CDH13: variants seen among roughly 807,000 people sequenced by gnomAD.
CDH13 encodes cadherin-13.
CDH13 carries 24 observed loss-of-function variants against 63.8 expected under a neutral mutation model. That is an observed-to-expected ratio of 0.38 (90% confidence interval 0.27 to 0.53). CDH13 has a LOEUF of 0.53. Ranked by LOEUF, CDH13 falls within the 20% of genes least tolerant of loss-of-function variation. The pLI is 0.85. For synonymous variants in CDH13, 503 were observed against 355.3 expected, an observed-to-expected ratio of 1.42 and a Z score of -4.67; for missense variants, 1,049 against 903.1, an observed-to-expected ratio of 1.16 and a Z score of -2.07.
At chr16:82,918,486 A>G (rs2042059680) in intron 2 of CDH13, among the ~76,000 whole-genome samples, 1 of 150,638 alleles carries the variant, frequency 6.6e-6, no homozygotes, top group Admixed American at 6.6e-5. Context: ...TCTCTGGGTC[A>G]AAAGGTATGT....
At chr16:83,687,945 C>G (rs1598481213) in intron 10 of CDH13, among the ~76,000 whole-genome samples, 1 of 152,220 alleles carries the variant, frequency 6.6e-6, no homozygotes, top group African/African-American at 2.4e-5. Flanking sequence ...CTTTGGGGCT[C>G]TGTCTTTTTT....
intron 2 of CDH13, among the ~76,000 whole-genome samples, chr16:82,977,261 G>A (rs1023642810): frequency 6.6e-6 from 1 of 152,120 alleles, no homozygotes; most frequent in Admixed American, 6.5e-5. Flanking sequence ...ACTGGGATGA[G>A]TAAGGCAGCC....
chr16:83,660,362 G>T (rs1462460034), intron 8 of CDH13, among the ~76,000 whole-genome samples: 1 of 152,154 alleles, frequency 6.6e-6, no homozygotes, highest in East Asian at 1.9e-4. Context: ...AGATTCTCAT[G>T]AGGAATACAC....
At chr16:82,877,920 CAT>C (rs1182944725) in intron 2 of CDH13, among the ~76,000 whole-genome samples, 5 of 120,442 alleles carry the variant, frequency 4.2e-5, no homozygotes, top group Non-Finnish European at 8.3e-5. Context: ...CATACATACA[CAT>C]AGACACACAC....
intron 2 of CDH13, among the ~76,000 whole-genome samples, chr16:82,965,566 C>G (rs1475846247): frequency 6.6e-6 from 1 of 152,196 alleles, no homozygotes. Context: ...CAGTCTCACT[C>G]TGCCACCCAA....
At position 83,267,482 on chromosome 16, in the gene CDH13, C is replaced by T. The variant is rs115760819; in HGVS notation, c.636+49985C>T. On this transcript the variant is annotated intron_variant, in intron 5 of 13. Transcript: ENST00000567109. ...ATTTAAATGCCCTCTCCAAAACTCA[C>T]GTTGAAATTTAATTGCCACTGTGAT... is the stretch of plus-strand genomic sequence containing the variant. Among the ~76,000 whole-genome samples the T allele has an allele frequency of 8.4e-3, 1,282 of 152,212 alleles. 25 individuals are homozygous for T. The highest frequency in any genetic ancestry group is 0.029 in the African/African-American group (1,184 of 41,536).
chr16:83,570,974 A>G (rs888229244), intron 7 of CDH13, among the ~76,000 whole-genome samples: 1 of 79,952 alleles, frequency 1.3e-5, no homozygotes, highest in African/African-American at 3.6e-5. Flanking sequence ...TATATATAAA[A>G]ACCTTCTGGC....
chr16:83,799,820 C>T lies in CDH13; in HGVS notation c.*4790C>T, dbSNP rs1904306353. ...TTCCTATTGCTAATAGATTAGCCCA[C>T]TATTGAAAAAATTCTGCAGTTGTGA... On this transcript the variant is annotated 3_prime_UTR_variant, in exon 14 of 14. Transcript: ENST00000567109. 1 of 152,078 alleles carries T rather than the reference C, an allele frequency of 6.6e-6. No individual in the cohort carries two copies. The highest frequency in any genetic ancestry group is 1.5e-5 in the Non-Finnish European group (1 of 68,022). 9.4% of individuals were successfully genotyped at this position (152,078 alleles called of 1,614,324 possible). A position where few individuals can be genotyped will look rare whatever the true frequency, so the allele number is the denominator to read the frequency against.
chr16:83,353,515 A>G (rs1050592043), intron 6 of CDH13, among the ~76,000 whole-genome samples: 4 of 152,392 alleles, frequency 2.6e-5, no homozygotes, highest in African/African-American at 7.2e-5. Context: ...TTATTCTGGT[A>G]GAAGAGTATC....
At chr16:82,980,860 G>T (rs1310924782) in intron 2 of CDH13, among the ~76,000 whole-genome samples, 2 of 152,172 alleles carry the variant, frequency 1.3e-5, no homozygotes, top group African/African-American at 2.4e-5. Flanking sequence ...AGGAAACAAT[G>T]ATTTATTAAA....
chr16:83,243,242 C>T (rs970691820), intron 5 of CDH13, among the ~76,000 whole-genome samples: 4 of 152,096 alleles, frequency 2.6e-5, no homozygotes, highest in South Asian at 2.1e-4. Flanking sequence ...AACATACCTG[C>T]GACTGGGTAA....
At chr16:82,920,545 C>G (rs1365160752) in intron 2 of CDH13, among the ~76,000 whole-genome samples, 2 of 152,208 alleles carry the variant, frequency 1.3e-5, no homozygotes, top group African/African-American at 4.8e-5. Flanking sequence ...TGTAAACAGA[C>G]TGAGAGTCTG....
intron 2 of CDH13, among the ~76,000 whole-genome samples, chr16:82,996,974 G>T (rs975755789): frequency 6.6e-6 from 1 of 151,198 alleles, no homozygotes; most frequent in African/African-American, 2.4e-5. Context: ...TGGTGGTAAT[G>T]ATGATGGTGA....
intron 1 of CDH13, among the ~76,000 whole-genome samples, chr16:82,776,803 T>C (rs2035519634): frequency 6.6e-6 from 1 of 152,192 alleles, no homozygotes; most frequent in Non-Finnish European, 1.5e-5. Flanking sequence ...AGATGGGAGC[T>C]TCCACTTCAA....
intron 7 of CDH13, among the ~76,000 whole-genome samples, chr16:83,501,760 GAAA>G (rs1185564322): frequency 3.3e-5 from 5 of 152,174 alleles, no homozygotes; most frequent in South Asian, 4.1e-4. Context: ...GGCTATTAAA[GAAA>G]AGCACGGGAC....
chr16:83,125,049 C>A lies in CDH13; in HGVS notation c.367-336C>A, dbSNP rs139644688. On this transcript the variant is annotated intron_variant, in intron 3 of 13. Transcript: ENST00000567109. ...AAAATTTTATATCTAAGCAAGTCCTCCAGATTCCTGACCAGGTGAGTAATC... is the reference window on the plus strand; with the variant it reads ...AAAATTTTATATCTAAGCAAGTCCTACAGATTCCTGACCAGGTGAGTAATC... Among the ~76,000 whole-genome samples the A allele has an allele frequency of 8.8e-3, 1,336 of 152,294 alleles. 29 individuals are homozygous for A. The highest frequency in any genetic ancestry group is 0.03 in the African/African-American group (1,263 of 41,554).
intron 10 of CDH13, among the ~76,000 whole-genome samples, chr16:83,744,283 G>T (rs1397451737): frequency 6.6e-6 from 1 of 152,178 alleles, no homozygotes; most frequent in Non-Finnish European, 1.5e-5. Context: ...ACCTAGTGAG[G>T]TGATTAATTC....
rs1041711928 is a variant in CDH13, at chr16:83,066,598, A to C, written c.366+34380A>C. 3.3e-5 allele frequency among the ~76,000 whole-genome samples: 5 copies of C among 152,246 alleles called. No homozygotes were observed. In the East Asian group the frequency reaches 9.6e-4, roughly 29 times the overall value. ...ATGTGACAAGGACCAGGAAACTCAA[A>C]GTCCATATGGTCAGCATTTTCTGTC... is the stretch of plus-strand genomic sequence containing the variant. On this transcript the variant is annotated intron_variant, in intron 3 of 13. Transcript: ENST00000567109.
At chr16:83,110,617 T>C (rs1426324447) in intron 3 of CDH13, among the ~76,000 whole-genome samples, 1 of 152,178 alleles carries the variant, frequency 6.6e-6, no homozygotes, top group Non-Finnish European at 1.5e-5. Flanking sequence ...TACTCACTCA[T>C]GTATAGGCAG....
Sources: gnomAD v4.1 joint callset for allele counts (sites outside exome capture counted in the v4.1 genomes callset) on GRCh38, gnomAD v4.1.1 for gene constraint, MANE v1.5 for transcripts, NCBI Gene and HGNC (gene_info 2026-07-23, HGNC 2026-07-21) for gene names.